TXNRD3: variants seen among roughly 807,000 people sequenced by gnomAD.
The protein encoded by TXNRD3 is thioredoxin reductase 3.
TXNRD3 carries 68 observed loss-of-function variants against 78.2 expected under a neutral mutation model. That is an observed-to-expected ratio of 0.87 (90% confidence interval 0.72 to 1.06). The LOEUF (loss-of-function observed/expected upper bound fraction) is 1.06. TXNRD3 is among the 50% of genes least tolerant of loss of function. The probability of loss-of-function intolerance (pLI) is 0.00; values close to 1 mark genes in which losing one functional copy is unlikely to be tolerated. For synonymous variants in TXNRD3, 296 were observed against 300.1 expected, an observed-to-expected ratio of 0.99 and a Z score of 0.14; for missense variants, 751 against 809.5, an observed-to-expected ratio of 0.93 and a Z score of 0.88.
intron 6 of TXNRD3, among the ~76,000 whole-genome samples, chr3:126,641,335 A>AC (rs1487353016): frequency 1.3e-5 from 2 of 151,494 alleles, no homozygotes; most frequent in Non-Finnish European, 2.9e-5. Context: ...GCCACTATTA[A>AC]CCCCCCAAAA....
chr3:126,642,136 C>T lies in TXNRD3; in HGVS notation c.608G>A (p.Cys203Tyr), dbSNP rs1290709436. ...CTTAGGAATACAACCTACATTTACA[C>T]AAGTGCCACCAAGACCTGAGGAAGA... Residue 203 changes from cysteine (C) to tyrosine (Y), a missense_variant, in exon 6 of 16, where the codon TGT becomes TAT. Transcript: ENST00000524230. 2 of 1,535,512 alleles carry T rather than the reference C, an allele frequency of 1.3e-6. No homozygotes were observed.
chr3:126,645,403 C>T (rs547815537), intron 3 of TXNRD3, among the ~76,000 whole-genome samples: 1 of 152,316 alleles, frequency 6.6e-6, no homozygotes, highest in African/African-American at 2.4e-5. Flanking sequence ...ACTATGTGAA[C>T]TAGGTTATAA....
At chr3:126,651,990 T>C (rs777244) in intron 1 of TXNRD3, among the ~76,000 whole-genome samples, 120,402 of 152,206 alleles carry the variant, frequency 0.79, 48,774 homozygotes, top group Non-Finnish European at 0.89. Flanking sequence ...ATACATTAAA[T>C]TTACAAACTT....
At chr3:126,632,922 C>T (rs1301546656) in intron 7 of TXNRD3, among the ~76,000 whole-genome samples, 4 of 152,106 alleles carry the variant, frequency 2.6e-5, no homozygotes, top group Non-Finnish European at 2.9e-5. Context: ...AACAAGGAGC[C>T]ACACAACAGG....
chr3:126,630,734 A>G lies in TXNRD3; in HGVS notation c.1175T>C (p.Leu392Pro), dbSNP rs759638904. Residue 392 changes from leucine (L) to proline (P), a missense_variant, in exon 9 of 16, where the codon CTA becomes CCA. Physicochemically the swap from Leu to Pro is moderately conservative, Grantham distance 98. Coordinates refer to ENST00000524230, the MANE Select transcript of TXNRD3 (RefSeq NM_052883.3). ...TACCATCACAGGTATGAATTTCCGT[A>G]GGAACTTCACACCATGCTGCTCCAT... 1.2e-5 allele frequency: 18 copies of G among 1,534,320 alleles called. No homozygotes were observed. Among genetic ancestry groups the G allele is most frequent in the Non-Finnish European group, 1.3e-5 (15 of 1,146,834 alleles).
chr3:126,628,553 CA>C (rs1296523974), intron 10 of TXNRD3, among the ~76,000 whole-genome samples: 2 of 150,958 alleles, frequency 1.3e-5, no homozygotes, highest in East Asian at 1.9e-4. Context: ...GTGACATTTT[CA>C]AAAAAAATAC....
intron 6 of TXNRD3, among the ~76,000 whole-genome samples, chr3:126,636,833 G>A (rs571635143): frequency 1.3e-5 from 2 of 152,126 alleles, no homozygotes; most frequent in African/African-American, 4.8e-5. Flanking sequence ...TGTCCAACCT[G>A]TGGCCCATGG....
At chr3:126,650,754 C>T (rs1023807970) in intron 1 of TXNRD3, among the ~76,000 whole-genome samples, 12 of 152,112 alleles carry the variant, frequency 7.9e-5, no homozygotes, top group African/African-American at 2.7e-4. Context: ...TACTATTTTC[C>T]TTTTATCGTT....
chr3:126,649,029 G>A (rs1286603297), intron 1 of TXNRD3, among the ~76,000 whole-genome samples: 1 of 152,012 alleles, frequency 6.6e-6, no homozygotes, highest in Non-Finnish European at 1.5e-5. Context: ...AAAGAAAAGA[G>A]GACATTATCA....
chr3:126,635,144 C>A (rs1020816612), intron 6 of TXNRD3, among the ~76,000 whole-genome samples: 1 of 152,194 alleles, frequency 6.6e-6, no homozygotes, highest in African/African-American at 2.4e-5. Flanking sequence ...CCTAAAGATA[C>A]TTCCTCCCCA....
rs986623198 is a variant in TXNRD3 at position 126,607,857 on chromosome 3, C to T, written c.*48G>A. ...TCATTTTATCCGAGAGCATTCTTATCTTTGAGAGAAATGAGAATATGACAA... is the reference window on the plus strand; with the variant it reads ...TCATTTTATCCGAGAGCATTCTTATTTTTGAGAGAAATGAGAATATGACAA... On this transcript the variant is annotated 3_prime_UTR_variant, in exon 16 of 16. Coordinates refer to ENST00000524230, the MANE Select transcript of TXNRD3 (RefSeq NM_052883.3). The T allele has an allele frequency of 1.2e-5, 17 of 1,430,300 alleles. No homozygotes were observed. The Admixed American group carries it at 3.5e-4, about 30-fold the overall frequency. 88.6% of individuals were successfully genotyped at this position (1,430,300 alleles called of 1,614,324 possible).
intron 8 of TXNRD3, among the ~76,000 whole-genome samples, chr3:126,631,358 G>C (rs141341881): frequency 1.3e-5 from 2 of 152,178 alleles, no homozygotes; most frequent in African/African-American, 4.8e-5. Flanking sequence ...CACATGTCCT[G>C]TTTGACCACT....
chr3:126,611,830 T>C (rs1938204308), intron 13 of TXNRD3, among the ~76,000 whole-genome samples: 1 of 152,198 alleles, frequency 6.6e-6, no homozygotes, highest in South Asian at 2.1e-4. Context: ...TAATCCACGA[T>C]GGATGGATTT....
At chr3:126,644,466 C>A in intron 3 of TXNRD3, 65 bp from the exon 4 acceptor site, 1 of 1,073,968 alleles carries the variant, frequency 9.3e-7, no homozygotes, top group South Asian at 1.5e-5. Context: ...TTTATGTACA[C>A]CCTATGTTCA....
At chr3:126,648,501 T>C (rs1083243) in intron 1 of TXNRD3, among the ~76,000 whole-genome samples, 142,705 of 152,270 alleles carry the variant, frequency 0.94, 67,003 homozygotes, top group Middle Eastern at 0.98. Flanking sequence ...GACAGGCTTA[T>C]GGACCAAGGA....
chr3:126,630,763 G>A lies in TXNRD3; in HGVS notation c.1146C>T (p.Ser382=), dbSNP rs1214659145. 6.5e-7 allele frequency: 1 copy of A among 1,534,494 alleles called. No homozygotes were observed. The highest frequency in any genetic ancestry group is 8.7e-7 in the Non-Finnish European group (1 of 1,146,860). The stretch of plus-strand genomic sequence containing the variant: ...ACTTCACACCATGCTGCTCCATGTA[G>A]GAACCCACTTTTTCTGCCATTTCTT... The change falls in exon 9 of 16, where the codon TCC becomes TCT. Residue 382 remains serine (S), a synonymous_variant. Transcript: ENST00000524230.
chr3:126,640,098 T>TCCCCCCAAGTCTCTCTTCCTGTATTC (rs1422960857), intron 6 of TXNRD3, among the ~76,000 whole-genome samples: 1 of 5,876 alleles, frequency 1.7e-4, no homozygotes, highest in Non-Finnish European at 1.4e-3. Flanking sequence ...TGTTTTCTTT[T>TCCCCCCAAGTCTCTCTTCCTGTATTC]TTTTTTTTTT....
At chr3:126,638,477 C>A (rs1401691386) in intron 6 of TXNRD3, among the ~76,000 whole-genome samples, 1 of 152,122 alleles carries the variant, frequency 6.6e-6, no homozygotes. Context: ...CTCATGTCTG[C>A]AATCCCAGCA....
At position 126,631,153 on chromosome 3, in the gene TXNRD3, T is replaced by C. The variant is rs541227015; in HGVS notation, c.972-216A>G. Among the ~76,000 whole-genome samples the C allele has an allele frequency of 1.1e-4, 17 of 152,210 alleles. 1 individual carries two copies. In the South Asian group the frequency reaches 3.5e-3, roughly 32 times the overall value. The stretch of plus-strand genomic sequence containing the variant: ...TCTAAATCAGACCACAAGCAAGATT[T>C]TTTAAAAAATAAAATAGTATAGAAA... On this transcript the variant is annotated intron_variant, in intron 8 of 15. Coordinates refer to ENST00000524230, the MANE Select transcript of TXNRD3 (RefSeq NM_052883.3).
Sources: gnomAD v4.1 joint callset for allele counts (sites outside exome capture counted in the v4.1 genomes callset) on GRCh38, gnomAD v4.1.1 for gene constraint, MANE v1.5 for transcripts, NCBI Gene and HGNC (gene_info 2026-07-23, HGNC 2026-07-21) for gene names.